Variants in SMG6 observed in about 807,000 individuals in gnomAD.
SMG6 encodes telomerase-binding protein EST1A.
SMG6 carries 66 observed loss-of-function variants against 142.2 expected under a neutral mutation model. The observed-to-expected ratio is 0.46, with a 90% CI of 0.38 to 0.57. The LOEUF (loss-of-function observed/expected upper bound fraction) is 0.57. SMG6 is among the 20% of genes least tolerant of loss of function. The pLI is 0.00. For missense variants in SMG6, 1,793 were observed against 1,832.0 expected, an observed-to-expected ratio of 0.98 and a Z score of 0.39; for synonymous variants, 779 against 702.4, an observed-to-expected ratio of 1.11 and a Z score of -1.72.
In SMG6 at chr17:2,283,745, G is replaced by A. The variant is rs200969729; in HGVS notation, c.2338-10C>T. 3.1e-6 allele frequency: 5 copies of A among 1,607,386 alleles called. No individual in the cohort carries two copies. In the East Asian group the frequency reaches 8.9e-5, roughly 29 times the overall value. On this transcript the variant is annotated splice_polypyrimidine_tract_variant and intron_variant, in intron 6 of 18. Transcript: ENST00000263073. ...CGTCAAGCTTCCTCCTCTGTGGAAA[G>A]AGGCCAGAGACATTCAGTCAACCAA...
chr17:2,252,894 G>T (rs1352719858), intron 8 of SMG6, among the ~76,000 whole-genome samples: 1 of 151,598 alleles, frequency 6.6e-6, no homozygotes, highest in African/African-American at 2.4e-5. Context: ...CATGAGCTAA[G>T]AATGGTTTTT....
At chr17:2,229,546 T>C (rs2073412367) in intron 10 of SMG6, 1 of 152,166 alleles carries the variant, frequency 6.6e-6, no homozygotes, top group Non-Finnish European at 1.5e-5. Context: ...TCCTCATCTA[T>C]GAAACAGGAC....
chr17:2,121,636 T>TA (rs2069703201), intron 13 of SMG6, among the ~76,000 whole-genome samples: 5 of 67,510 alleles, frequency 7.4e-5, no homozygotes, highest in East Asian at 6.5e-4. Flanking sequence ...TGTGTGTGTG[T>TA]GTGTGTGTGT....
chr17:2,132,261 G>C (rs2070147350), intron 13 of SMG6, among the ~76,000 whole-genome samples: 1 of 152,190 alleles, frequency 6.6e-6, no homozygotes, highest in South Asian at 2.1e-4. Context: ...GACTATGCCT[G>C]TCTCATTCAC....
At chr17:2,203,177 A>G (rs1159855712) in intron 10 of SMG6, among the ~76,000 whole-genome samples, 2 of 152,194 alleles carry the variant, frequency 1.3e-5, no homozygotes, top group African/African-American at 4.8e-5. Flanking sequence ...AAATAAATAA[A>G]TAAGTAAGTT....
chr17:2,134,823 CT>C (rs751352067), intron 13 of SMG6, among the ~76,000 whole-genome samples: 1 of 152,066 alleles, frequency 6.6e-6, no homozygotes, highest in Non-Finnish European at 1.5e-5. Context: ...ATCCTAGTAT[CT>C]CCCTCTCAAT....
rs778534887 is a variant in SMG6 at position 2,085,790 on chromosome 17, C to T, written c.3469G>A (p.Ala1157Thr). The T allele has an allele frequency of 5.0e-6, 8 of 1,613,990 alleles. No individual in the cohort carries two copies. The East Asian group carries it at 8.9e-5, about 18-fold the overall frequency. Residue 1157 changes from alanine to threonine, a missense_variant, in exon 14 of 19, where the codon GCA becomes ACA. Physicochemically the swap from Ala to Thr is moderately conservative, Grantham distance 58. Coordinates refer to ENST00000263073, the MANE Select transcript of SMG6 (RefSeq NM_017575.5). The surrounding 1 kb of genome is among the most constrained non-coding windows in gnomAD (Gnocchi z 4.1). ...AFKGGKYVSVAPVPDTMGKEM... is the reference protein window; with the variant it reads ...AFKGGKYVSVTPVPDTMGKEM... Reference sequence around the variant, plus strand: ...TTTCCCATGGTGTCTGGGACGGGTGCCACTGACACATACTTTCCACCCTTG... The same window carrying T: ...TTTCCCATGGTGTCTGGGACGGGTGTCACTGACACATACTTTCCACCCTTG...
intron 8 of SMG6, among the ~76,000 whole-genome samples, chr17:2,267,583 A>G (rs2074449025): frequency 6.6e-6 from 1 of 152,152 alleles, no homozygotes. Flanking sequence ...AGACAATGAA[A>G]TAACTGGGTT....
At position 2,065,673 on chromosome 17, in the gene SMG6, T is replaced by C. The variant is rs2232487; in HGVS notation, c.3842A>G (p.Asn1281Ser). 293 of 1,612,248 alleles carry C rather than the reference T, an allele frequency of 1.8e-4. 1 individual carries two copies. Among genetic ancestry groups the C allele is most frequent in the Admixed American group, 5.5e-4 (33 of 60,014 alleles). Residue 1281 changes from asparagine to serine, a missense_variant, in exon 17 of 19, where the codon AAT becomes AGT. Physicochemically the swap from Asn to Ser is conservative, Grantham distance 46. Coordinates refer to ENST00000263073, the MANE Select transcript of SMG6 (RefSeq NM_017575.5). ...CCCCTTGGCCAGGCCGTCCAGCTCATTGATCACTGATGAGATAGAGCCCCA... is the reference window on the plus strand; with the variant it reads ...CCCCTTGGCCAGGCCGTCCAGCTCACTGATCACTGATGAGATAGAGCCCCA... Reference protein sequence around the residue: ...YILVVPLIVINELDGLAKGQE... With the variant: ...YILVVPLIVISELDGLAKGQE...
chr17:2,160,287 T>C (rs2071135305), intron 13 of SMG6, among the ~76,000 whole-genome samples: 1 of 152,192 alleles, frequency 6.6e-6, no homozygotes, highest in African/African-American at 2.4e-5. Context: ...TGGTGCAATC[T>C]CAGCTCACTG....
chr17:2,128,652 C>T (rs1412508601), intron 13 of SMG6, among the ~76,000 whole-genome samples: 8 of 151,932 alleles, frequency 5.3e-5, no homozygotes, highest in Admixed American at 2.0e-4. Context: ...GGTGAAACCC[C>T]GTCTCTACTA....
chr17:2,302,758 T>A (rs575338838), intron 1 of SMG6, among the ~76,000 whole-genome samples: 1 of 150,078 alleles, frequency 6.7e-6, no homozygotes, highest in Non-Finnish European at 1.5e-5. Context: ...TCCACAAAGA[T>A]AAAGCAGTTT....
At chr17:2,216,282 T>G (rs1241110150) in intron 10 of SMG6, among the ~76,000 whole-genome samples, 1 of 151,850 alleles carries the variant, frequency 6.6e-6, no homozygotes, top group Admixed American at 6.6e-5. Context: ...AGTGAGGTAA[T>G]AGGAATTTTT....
chr17:2,070,756 C>T (rs1483487729), intron 15 of SMG6, among the ~76,000 whole-genome samples: 1 of 152,188 alleles, frequency 6.6e-6, no homozygotes, highest in African/African-American at 2.4e-5. Context: ...AGTCTTCCTA[C>T]TGATCTCACC....
chr17:2,159,068 G>A (rs914454341), intron 13 of SMG6, among the ~76,000 whole-genome samples: 4 of 152,050 alleles, frequency 2.6e-5, no homozygotes, highest in Admixed American at 6.6e-5. Flanking sequence ...CCCAAATGAG[G>A]ATATAATAAT....
At chr17:2,290,926 T>G (rs1394329361) in intron 6 of SMG6, among the ~76,000 whole-genome samples, 2 of 152,136 alleles carry the variant, frequency 1.3e-5, no homozygotes, top group East Asian at 3.9e-4. Context: ...ATGTGAGACA[T>G]CCAGAACAGG....
intron 13 of SMG6, chr17:2,088,405 A>C (rs2068624341): frequency 1.0e-6 from 1 of 985,436 alleles, no homozygotes; most frequent in South Asian, 4.7e-5. Context: ...CATGGACACA[A>C]GCAACGAGGA....
At chr17:2,164,664 C>T (rs923199778) in intron 13 of SMG6, among the ~76,000 whole-genome samples, 8 of 152,114 alleles carry the variant, frequency 5.3e-5, no homozygotes, top group South Asian at 2.1e-4. Flanking sequence ...CAGCCGGGAA[C>T]GGTGGCTCAT....
At chr17:2,122,252 T>A (rs2069725498) in intron 13 of SMG6, 1 of 152,130 alleles carries the variant, frequency 6.6e-6, no homozygotes. Context: ...AGGTACTGGG[T>A]ATAAGTGAGC....
Sources: allele counts gnomAD v4.1 joint callset (sites outside exome capture counted in the v4.1 genomes callset), GRCh38; gene constraint gnomAD v4.1.1; non-coding constraint Gnocchi (gnomAD v3.1); transcripts MANE v1.5; gene names NCBI Gene and HGNC (gene_info 2026-07-23, HGNC 2026-07-21).